NEBL: variants seen among roughly 807,000 people sequenced by gnomAD.
NEBL encodes the protein nebulette.
In NEBL, 122 loss-of-function variants were observed where a neutral mutation model predicts 140.2. That is an observed-to-expected ratio of 0.87 (90% CI 0.75 to 1.01). NEBL has a LOEUF of 1.01. Ranked by LOEUF, NEBL falls within the 50% of genes least tolerant of loss-of-function variation. NEBL has a pLI of 0.00. For synonymous variants in NEBL, 436 were observed against 398.9 expected (o/e 1.09, Z -1.11); for missense variants, 1,365 against 1,231.3 (o/e 1.11, Z -1.62).
At chr10:20,869,354 T>A (rs1051495701) in intron 6 of NEBL, among the ~76,000 whole-genome samples, 1 of 152,116 alleles carries the variant, frequency 6.6e-6, no homozygotes, top group Non-Finnish European at 1.5e-5. Flanking sequence ...TGGAAGAGAA[T>A]GTACACAATG....
At chr10:20,814,283 A>G (rs1276348081) in intron 22 of NEBL, among the ~76,000 whole-genome samples, 1 of 152,076 alleles carries the variant, frequency 6.6e-6, no homozygotes, top group East Asian at 1.9e-4. Context: ...GTGAATGACC[A>G]ATAGTAACTA....
chr10:21,014,481 A>C (rs553387481), intron 3 of NEBL, among the ~76,000 whole-genome samples: 1 of 152,328 alleles, frequency 6.6e-6, no homozygotes, highest in South Asian at 2.1e-4. Context: ...ACTTTTGGAC[A>C]ATGCTATCCA....
At chr10:20,888,505 C>T (rs574547106) in intron 3 of NEBL, among the ~76,000 whole-genome samples, 2 of 152,200 alleles carry the variant, frequency 1.3e-5, no homozygotes. Context: ...CAGTTTCATG[C>T]TGGATGAGTG....
chr10:20,792,304 T>C (rs528516503), intron 26 of NEBL, among the ~76,000 whole-genome samples: 2 of 152,280 alleles, frequency 1.3e-5, no homozygotes, highest in East Asian at 3.9e-4. Context: ...TAGGACACAA[T>C]GCAATTATTG....
intron 4 of NEBL, among the ~76,000 whole-genome samples, chr10:20,920,257 T>C (rs1052551008): frequency 9.9e-5 from 15 of 152,180 alleles, no homozygotes; most frequent in African/African-American, 3.6e-4. Flanking sequence ...CAAAATGACA[T>C]ATGCATTCAC....
At chr10:21,218,971 G>A (rs1387525825) in intron 3 of NEBL, among the ~76,000 whole-genome samples, 3 of 152,180 alleles carry the variant, frequency 2.0e-5, no homozygotes, top group South Asian at 2.1e-4. Flanking sequence ...CTTCACAGAC[G>A]GAACCTTATG....
intron 2 of NEBL, among the ~76,000 whole-genome samples, chr10:21,164,824 C>T (rs1255586405): frequency 6.6e-6 from 1 of 152,182 alleles, no homozygotes; most frequent in Admixed American, 6.5e-5. Flanking sequence ...TTTCAATCAT[C>T]CAATTATAAC....
intron 2 of NEBL, among the ~76,000 whole-genome samples, chr10:21,135,435 A>T (rs558647448): frequency 5.0e-5 from 7 of 139,794 alleles, no homozygotes; most frequent in African/African-American, 8.1e-5. Context: ...CAGTGGAGAT[A>T]AAAAAAAAAA....
At chr10:20,877,104 A>C (rs2131292967) in intron 5 of NEBL, among the ~76,000 whole-genome samples, 1 of 152,344 alleles carries the variant, frequency 6.6e-6, no homozygotes, top group Middle Eastern at 3.4e-3. Flanking sequence ...ACATCACCCT[A>C]AACTCCCAAA....
At chr10:20,985,626 A>G (rs1837224048) in intron 3 of NEBL, among the ~76,000 whole-genome samples, 1 of 152,176 alleles carries the variant, frequency 6.6e-6, no homozygotes, top group Non-Finnish European at 1.5e-5. Flanking sequence ...AGGCAGTCAG[A>G]AACATCTATT....
chr10:21,215,814 C>T (rs993899012), intron 3 of NEBL, among the ~76,000 whole-genome samples: 2 of 152,154 alleles, frequency 1.3e-5, no homozygotes, highest in African/African-American at 2.4e-5. Flanking sequence ...GCATGTGCCA[C>T]CATGCTTGAC....
At chr10:20,959,262 T>C (rs892666715) in intron 4 of NEBL, among the ~76,000 whole-genome samples, 1 of 152,120 alleles carries the variant, frequency 6.6e-6, no homozygotes, top group Non-Finnish European at 1.5e-5. Flanking sequence ...ACTCACAAAT[T>C]TCATACCCCT....
At position 20,784,227 on chromosome 10, in the gene NEBL, T is replaced by C. The variant is rs1220644208; in HGVS notation, c.*1520A>G. On this transcript the variant is annotated 3_prime_UTR_variant, in exon 28 of 28. Transcript: ENST00000377122. Reference sequence around the variant, plus strand: ...GCTGTGAAGTCAGACCCTAAGTGAATGCCACCCCGTTGCAGGTCACAGTAA... The same window carrying C: ...GCTGTGAAGTCAGACCCTAAGTGAACGCCACCCCGTTGCAGGTCACAGTAA... 4.6e-5 allele frequency: 7 copies of C among 152,170 alleles called. No individual in the cohort carries two copies. The highest frequency in any genetic ancestry group is 3.9e-4 in the Admixed American group (6 of 15,262). 9.4% of individuals were successfully genotyped at this position (152,170 alleles called of 1,614,324 possible).
chr10:20,908,666 C>G (rs1429974188), intron 4 of NEBL, among the ~76,000 whole-genome samples: 1 of 152,202 alleles, frequency 6.6e-6, no homozygotes, highest in Admixed American at 6.5e-5. Context: ...AAAACAATCT[C>G]TGCTCTGCAG....
chr10:21,200,120 C>G (rs992852699), intron 3 of NEBL, among the ~76,000 whole-genome samples: 1 of 151,920 alleles, frequency 6.6e-6, no homozygotes, highest in Admixed American at 6.6e-5. Flanking sequence ...CATTTCTGCC[C>G]CAGCCCAACC....
At chr10:20,994,800 C>A (rs994146097) in intron 3 of NEBL, among the ~76,000 whole-genome samples, 2 of 152,096 alleles carry the variant, frequency 1.3e-5, no homozygotes, top group Non-Finnish European at 2.9e-5. Flanking sequence ...AATACATTTA[C>A]TATTCATTAA....
intron 3 of NEBL, among the ~76,000 whole-genome samples, chr10:21,206,726 G>C (rs926209275): frequency 3.9e-5 from 6 of 152,176 alleles, no homozygotes; most frequent in Non-Finnish European, 8.8e-5. Context: ...CTGAAGTATA[G>C]AGATCGTTGA....
At chr10:21,135,790 G>C (rs1839329019) in intron 2 of NEBL, among the ~76,000 whole-genome samples, 1 of 152,130 alleles carries the variant, frequency 6.6e-6, no homozygotes, top group African/African-American at 2.4e-5. Flanking sequence ...CAGTGCTGAA[G>C]GTCCTATTTT....
intron 3 of NEBL, among the ~76,000 whole-genome samples, chr10:21,234,291 G>A (rs933605678): frequency 6.6e-6 from 1 of 152,088 alleles, no homozygotes; most frequent in African/African-American, 2.4e-5. Context: ...TTTGGATCAT[G>A]TGGGCCGATC....
Sources: gnomAD v4.1 joint callset for allele counts (sites outside exome capture counted in the v4.1 genomes callset) on GRCh38, gnomAD v4.1.1 for gene constraint, MANE v1.5 for transcripts, NCBI Gene and HGNC (gene_info 2026-07-23, HGNC 2026-07-21) for gene names.